Variants in EYA4 observed in about 807,000 individuals in gnomAD.
EYA4 encodes EYA transcriptional coactivator and phosphatase 4, also known as protein phosphatase EYA4.
In EYA4, 31 loss-of-function variants were observed where a neutral mutation model predicts 87.9. That is an observed-to-expected ratio of 0.35 (90% CI 0.27 to 0.48). The LOEUF (loss-of-function observed/expected upper bound fraction) is 0.48, where lower values mean the gene tolerates loss of function less well. EYA4 is among the 20% of genes least tolerant of loss of function. The pLI, the probability that EYA4 is intolerant of heterozygous loss-of-function variation, is 0.99. For synonymous variants in EYA4, 263 were observed against 270.6 expected (o/e 0.97, Z 0.28); for missense variants, 678 against 761.4 (o/e 0.89, Z 1.29).
intron 2 of EYA4, among the ~76,000 whole-genome samples, chr6:133,280,506 C>T (rs6940510): frequency 0.13 from 19,481 of 152,068 alleles, 1,601 homozygotes; most frequent in Non-Finnish European, 0.18. Context: ...AAGTGATTCT[C>T]CTGCCTCAGC....
intron 3 of EYA4, among the ~76,000 whole-genome samples, chr6:133,414,692 GTT>G (rs1789552968): frequency 6.6e-6 from 1 of 152,140 alleles, no homozygotes; most frequent in Non-Finnish European, 1.5e-5. Flanking sequence ...CACCAGATTT[GTT>G]TTCCATTTCC....
chr6:133,314,135 G>C (rs1476278356), intron 2 of EYA4, among the ~76,000 whole-genome samples: 1 of 151,942 alleles, frequency 6.6e-6, no homozygotes, highest in African/African-American at 2.4e-5. Context: ...ATATAACTAT[G>C]GTTAAATCAT....
chr6:133,402,942 C>T (rs1164594589), intron 3 of EYA4, among the ~76,000 whole-genome samples: 1 of 152,188 alleles, frequency 6.6e-6, no homozygotes, highest in Admixed American at 6.5e-5. Context: ...AGTGGAGTCT[C>T]AGCCCCTCCA....
At chr6:133,453,789 G>A (rs1316676269) in intron 5 of EYA4, 1 of 151,968 alleles carries the variant, frequency 6.6e-6, no homozygotes, top group East Asian at 1.9e-4. Flanking sequence ...TAAAATTCAG[G>A]CATTTTAGTA....
intron 3 of EYA4, among the ~76,000 whole-genome samples, chr6:133,387,322 A>G (rs1261801177): frequency 6.6e-6 from 1 of 152,204 alleles, no homozygotes; most frequent in East Asian, 1.9e-4. Flanking sequence ...ATTGTTTTCA[A>G]AGCAGGGAAA....
At chr6:133,358,914 C>T (rs1192877134) in intron 2 of EYA4, among the ~76,000 whole-genome samples, 1 of 152,118 alleles carries the variant, frequency 6.6e-6, no homozygotes, top group East Asian at 1.9e-4. Flanking sequence ...AAAGCTCTCT[C>T]TGAGAAAGTG....
intron 13 of EYA4, among the ~76,000 whole-genome samples, chr6:133,486,544 AAAAAC>A (rs1796700804): frequency 1.3e-5 from 2 of 148,466 alleles, no homozygotes; most frequent in African/African-American, 2.5e-5. Flanking sequence ...AAACCAAACA[AAAAAC>A]AAAACAAAAC....
intron 3 of EYA4, among the ~76,000 whole-genome samples, chr6:133,439,049 C>CGAAAAAAAAAAAAAAAAA (rs1791993735): frequency 1.6e-5 from 1 of 64,024 alleles, no homozygotes; most frequent in Non-Finnish European, 2.6e-5. Flanking sequence ...GACTCCGTCT[C>CGAAAAAAAAAAAAAAAAA]AAAAAAAAAA....
chr6:133,276,612 T>G (rs1438509695), intron 2 of EYA4, among the ~76,000 whole-genome samples: 1 of 152,204 alleles, frequency 6.6e-6, no homozygotes, highest in Non-Finnish European at 1.5e-5. Flanking sequence ...GTGATGCTAG[T>G]GAGCAGTCAG....
At chr6:133,406,296 A>G (rs749923274) in intron 3 of EYA4, among the ~76,000 whole-genome samples, 38 of 152,318 alleles carry the variant, frequency 2.5e-4, no homozygotes, top group Non-Finnish European at 3.8e-4. Flanking sequence ...ATGAGCTCTC[A>G]TAAGGAAATG....
At chr6:133,453,271 G>T (rs1024389043) in intron 5 of EYA4, among the ~76,000 whole-genome samples, 2 of 151,956 alleles carry the variant, frequency 1.3e-5, no homozygotes, top group African/African-American at 4.8e-5. Flanking sequence ...AAAGTATATA[G>T]TAGGTGTAAT....
chr6:133,246,627 T>C (rs1323092833), intron 1 of EYA4, among the ~76,000 whole-genome samples: 2 of 152,162 alleles, frequency 1.3e-5, no homozygotes, highest in South Asian at 2.1e-4. Context: ...TTCTTGAGTA[T>C]ATTTATATCC....
chr6:133,278,616 A>G (rs182559632), intron 2 of EYA4, among the ~76,000 whole-genome samples: 6 of 152,334 alleles, frequency 3.9e-5, no homozygotes, highest in Admixed American at 3.9e-4. Context: ...TTACTGACTC[A>G]TGAATTTATA....
At chr6:133,453,292 G>A (rs559769053) in intron 5 of EYA4, among the ~76,000 whole-genome samples, 7 of 151,838 alleles carry the variant, frequency 4.6e-5, no homozygotes, top group African/African-American at 7.2e-5. Flanking sequence ...TTAAAGTGCA[G>A]AAACAAAAGC....
intron 2 of EYA4, among the ~76,000 whole-genome samples, chr6:133,286,599 A>G (rs552797454): frequency 6.6e-6 from 1 of 152,236 alleles, no homozygotes; most frequent in East Asian, 1.9e-4. Flanking sequence ...CTTCTTTCCA[A>G]ATTTCCAAAA....
intron 2 of EYA4, among the ~76,000 whole-genome samples, chr6:133,373,781 G>A (rs929807141): frequency 1.3e-5 from 2 of 152,012 alleles, no homozygotes; most frequent in Non-Finnish European, 1.5e-5. Context: ...ATGCACATTT[G>A]TGAGGAAAAA....
intron 17 of EYA4, among the ~76,000 whole-genome samples, chr6:133,517,577 T>C (rs907310536): frequency 2.0e-5 from 3 of 151,246 alleles, no homozygotes; most frequent in African/African-American, 7.3e-5. Context: ...AGTAAATGAA[T>C]AGTTGTCACA....
rs963299181 is a variant in EYA4, at chr6:133,514,264, A to G, written c.1502-1057A>G. Among the ~76,000 whole-genome samples the G allele has an allele frequency of 2.6e-5, 4 of 152,218 alleles. No homozygotes were observed. In the East Asian group the frequency reaches 5.8e-4, roughly 22 times the overall value. ...AGTGCTCTGTACATGATGCTTTTGT[A>G]AAATCAAATAAGTAGATTTTCTAGT... On this transcript the variant is annotated intron_variant, in intron 16 of 19. Transcript: ENST00000355286.
At chr6:133,473,434 G>A (rs1229681507) in intron 11 of EYA4, among the ~76,000 whole-genome samples, 1 of 151,974 alleles carries the variant, frequency 6.6e-6, no homozygotes. Context: ...TCATATGGGG[G>A]ATATTAACAA....
Sources: allele counts gnomAD v4.1 joint callset (sites outside exome capture counted in the v4.1 genomes callset), GRCh38; gene constraint gnomAD v4.1.1; transcripts MANE v1.5; gene names NCBI Gene and HGNC (gene_info 2026-07-23, HGNC 2026-07-21).